Variants in CFAP20DC observed in about 807,000 individuals in gnomAD.
CFAP20DC encodes the protein protein CFAP20DC.
CFAP20DC carries 84 observed loss-of-function variants against 101.7 expected under a neutral mutation model. The observed-to-expected ratio is 0.83, with a 90% CI of 0.69 to 0.99. The LOEUF (loss-of-function observed/expected upper bound fraction) is 0.99, where lower values mean the gene tolerates loss of function less well. Among genes scored for constraint, CFAP20DC ranks in the 50% least tolerant of loss-of-function variants. The pLI, the probability that CFAP20DC is intolerant of heterozygous loss-of-function variation, is 0.00. For synonymous variants in CFAP20DC, 359 were observed against 351.2 expected, an observed-to-expected ratio of 1.02 and a Z score of -0.25; for missense variants, 1,007 against 970.3, an observed-to-expected ratio of 1.04 and a Z score of -0.50.
chr3:58,760,613 A>C (rs1303942057), intron 15 of CFAP20DC, among the ~76,000 whole-genome samples: 1 of 152,168 alleles, frequency 6.6e-6, no homozygotes, highest in Admixed American at 6.5e-5. Context: ...GTCTTGGGCC[A>C]GTTTTCAAAG....
At chr3:58,830,717 T>A (rs1201423469) in intron 14 of CFAP20DC, among the ~76,000 whole-genome samples, 1 of 152,304 alleles carries the variant, frequency 6.6e-6, no homozygotes, top group East Asian at 1.9e-4. Flanking sequence ...AGCAAAAACA[T>A]ATTTACTTTT....
intron 12 of CFAP20DC, chr3:58,862,628 A>C: frequency 1.0e-6 from 1 of 985,420 alleles, no homozygotes; most frequent in South Asian, 4.7e-5. Flanking sequence ...GGTGCTATGG[A>C]CTTAATCTGT....
chr3:59,034,095 A>T (rs924299439), intron 4 of CFAP20DC, among the ~76,000 whole-genome samples: 2 of 152,218 alleles, frequency 1.3e-5, no homozygotes, highest in Non-Finnish European at 1.5e-5. Context: ...CAGTCAAACT[A>T]AGCTTCATAA....
chr3:58,765,352 A>T lies in CFAP20DC; in HGVS notation c.2238-11489T>A, dbSNP rs1484652694. ...AGCAAGTTAGCTTAATCATCTCTTT[A>T]TGTATACAGTAAGCATTTACTGAAC... On this transcript the variant is annotated intron_variant, in intron 15 of 16. Transcript: ENST00000482387. Among the ~76,000 whole-genome samples, 15 of 151,966 alleles carry T rather than the reference A, an allele frequency of 9.9e-5. No homozygotes were observed. The East Asian group carries it at 2.1e-3, about 22-fold the overall frequency.
chr3:58,919,948 A>G (rs2085159620), intron 5 of CFAP20DC, among the ~76,000 whole-genome samples: 1 of 152,140 alleles, frequency 6.6e-6, no homozygotes, highest in South Asian at 2.1e-4. Flanking sequence ...CGTTGTTTGC[A>G]AAGAAAGTTT....
intron 4 of CFAP20DC, among the ~76,000 whole-genome samples, chr3:58,967,742 G>A (rs1388411721): frequency 6.6e-6 from 1 of 152,160 alleles, no homozygotes; most frequent in East Asian, 1.9e-4. Flanking sequence ...AGGGGTACAT[G>A]TGAAGGTTTG....
downstream of CFAP20DC, among the ~76,000 whole-genome samples, chr3:58,740,643 G>A (rs900143923): frequency 2.0e-5 from 3 of 152,092 alleles, no homozygotes; most frequent in South Asian, 6.2e-4. The surrounding 1 kb of genome is among the most constrained non-coding windows in gnomAD (Gnocchi z 4.6). Flanking sequence ...TAGCCTTACA[G>A]CATTCTGTTT....
intron 15 of CFAP20DC, among the ~76,000 whole-genome samples, chr3:58,782,543 C>T (rs1242369828): frequency 6.6e-6 from 1 of 151,850 alleles, no homozygotes; most frequent in African/African-American, 2.4e-5. Context: ...CTAAAGACTC[C>T]AGAAAAACTC....
At chr3:58,895,491 C>T (rs892204358) in intron 6 of CFAP20DC, among the ~76,000 whole-genome samples, 8 of 152,214 alleles carry the variant, frequency 5.3e-5, no homozygotes, top group Admixed American at 2.0e-4. Flanking sequence ...ACAAGTTCCT[C>T]ATTTCCTTCT....
At chr3:59,045,241 C>T (rs1576826548) in intron 3 of CFAP20DC, among the ~76,000 whole-genome samples, 1 of 151,936 alleles carries the variant, frequency 6.6e-6, no homozygotes, top group African/African-American at 2.4e-5. Context: ...GCACATAAAG[C>T]ACAGAACCTA....
At chr3:59,038,124 C>G (rs186518123) in intron 4 of CFAP20DC, among the ~76,000 whole-genome samples, 31 of 152,098 alleles carry the variant, frequency 2.0e-4, no homozygotes, top group African/African-American at 7.5e-4. Flanking sequence ...CAGGGCCTAT[C>G]AGGGGCTGGG....
chr3:58,732,469 T>G lies in CFAP20DC; in HGVS notation c.198-14841A>C, dbSNP rs2067663714. ...AGGATGAATCAAGAGATGCTTTCAC[T>G]GACCTTTATCATTTCACGTGGATGA... On this transcript the variant is annotated intron_variant, in intron 3 of 3. Coordinates refer to the CFAP20DC transcript ENST00000486145. The surrounding 1 kb of genome is among the most constrained non-coding windows in gnomAD (Gnocchi z 5.4). Among the ~76,000 whole-genome samples the G allele has an allele frequency of 6.6e-6, 1 of 152,356 alleles. No homozygotes were observed. Among genetic ancestry groups the G allele is most frequent in the African/African-American group, 2.4e-5 (1 of 41,588 alleles).
intron 4 of CFAP20DC, among the ~76,000 whole-genome samples, chr3:58,945,423 C>T (rs924290371): frequency 6.6e-5 from 10 of 152,160 alleles, no homozygotes; most frequent in African/African-American, 2.4e-4. Flanking sequence ...ATGAGATTAT[C>T]TTCTTTCCAT....
At chr3:58,750,145 A>G (rs375453542) in intron 16 of CFAP20DC, among the ~76,000 whole-genome samples, 34 of 152,336 alleles carry the variant, frequency 2.2e-4, no homozygotes, top group African/African-American at 7.9e-4. Flanking sequence ...CTGTGACACA[A>G]ACTCCTACTG....
intron 4 of CFAP20DC, among the ~76,000 whole-genome samples, chr3:59,031,238 G>A (rs920309772): frequency 3.9e-5 from 6 of 152,086 alleles, no homozygotes; most frequent in South Asian, 4.1e-4. Context: ...AGGGCTCATC[G>A]GCAAAAGATT....
chr3:58,802,986 G>GA (rs1459387834), intron 15 of CFAP20DC, among the ~76,000 whole-genome samples: 2 of 150,798 alleles, frequency 1.3e-5, no homozygotes, highest in Non-Finnish European at 3.0e-5. Context: ...AAAAAAAAAA[G>GA]AAAAAAAATG....
intron 4 of CFAP20DC, among the ~76,000 whole-genome samples, chr3:59,011,279 T>C (rs1379045308): frequency 6.6e-6 from 1 of 151,906 alleles, no homozygotes; most frequent in Non-Finnish European, 1.5e-5. Flanking sequence ...ATACCTGTAG[T>C]CCCAGCTACT....
intron 4 of CFAP20DC, among the ~76,000 whole-genome samples, chr3:58,978,868 C>T (rs2092398624): frequency 6.6e-6 from 1 of 152,134 alleles, no homozygotes; most frequent in Non-Finnish European, 1.5e-5. Context: ...AAGCACTCCT[C>T]TGGCTTTTAG....
intron 15 of CFAP20DC, among the ~76,000 whole-genome samples, chr3:58,769,690 C>T (rs573943917): frequency 6.6e-6 from 1 of 152,214 alleles, no homozygotes; most frequent in Admixed American, 6.5e-5. Context: ...GACATGTCTC[C>T]CCTCCTAAAA....
Sources: gnomAD v4.1 joint callset for allele counts (sites outside exome capture counted in the v4.1 genomes callset) on GRCh38, gnomAD v4.1.1 for gene constraint, Gnocchi (gnomAD v3.1) non-coding constraint, MANE v1.5 for transcripts, NCBI Gene and HGNC (gene_info 2026-07-23, HGNC 2026-07-21) for gene names.